Variants in CACNA2D4 observed in about 807,000 individuals in gnomAD.
The protein encoded by CACNA2D4 is calcium voltage-gated channel auxiliary subunit alpha2delta 4, also known as voltage-dependent calcium channel subunit alpha-2/delta-4.
In CACNA2D4, 157 loss-of-function variants were observed where a neutral mutation model predicts 163.8. That is an observed-to-expected ratio of 0.96 (90% CI 0.84 to 1.09). The LOEUF is 1.09. Among genes scored for constraint, CACNA2D4 ranks in the 50% least tolerant of loss-of-function variants. CACNA2D4 has a pLI of 0.00. For missense variants in CACNA2D4, 1,410 were observed against 1,479.9 expected, an observed-to-expected ratio of 0.95 and a Z score of 0.78; for synonymous variants, 598 against 586.9, an observed-to-expected ratio of 1.02 and a Z score of -0.27.
At chr12:1,822,871 G>A (rs984571092) in intron 26 of CACNA2D4, among the ~76,000 whole-genome samples, 2 of 152,152 alleles carry the variant, frequency 1.3e-5, no homozygotes, top group Non-Finnish European at 2.9e-5. Flanking sequence ...ATGGAATCTC[G>A]GGCCGTCTTT....
intron 23 of CACNA2D4, among the ~76,000 whole-genome samples, chr12:1,850,881 CAAAAAA>C (rs3078857): frequency 1.5e-5 from 2 of 130,858 alleles, no homozygotes. Context: ...GACTCCGTCT[CAAAAAA>C]AAAAAAAAAA....
Position 1,813,444 on chromosome 12 carries a change from C to T in CACNA2D4, c.2552-1721G>A, listed in dbSNP as rs182626488. On this transcript the variant is annotated intron_variant, in intron 26 of 37. Transcript: ENST00000382722. ...TGGCCTACATCTGTGCTGTCCTAAA[C>T]GGTAGCCAACAGCCACACGTGGCTA... Among the ~76,000 whole-genome samples the T allele has an allele frequency of 2.2e-4, 33 of 152,350 alleles. No individual in the cohort carries two copies. The South Asian group carries it at 2.5e-3, about 11-fold the overall frequency.
chr12:1,797,507 C>G lies in CACNA2D4; in HGVS notation c.3024G>C (p.Leu1008=). 6.3e-7 allele frequency: 1 copy of G among 1,579,398 alleles called. No homozygotes were observed. Among genetic ancestry groups the G allele is most frequent in the Non-Finnish European group, 8.6e-7 (1 of 1,164,214 alleles). ...HSHKHKKQDP[L]QPCDTEYPVF... ...CGGGGTACTCCGTGTCGCAGGGCTGCAGCGGGTCCTGCTTCTTGTGTTTGT... is the reference window on the plus strand; with the variant it reads ...CGGGGTACTCCGTGTCGCAGGGCTGGAGCGGGTCCTGCTTCTTGTGTTTGT... The change falls in exon 35 of 38, where the codon CTG becomes CTC. Residue 1008 remains leucine, a synonymous_variant. Coordinates refer to ENST00000382722, the MANE Select transcript of CACNA2D4 (RefSeq NM_172364.5).
chr12:1,873,344 A>G (rs16928859), intron 18 of CACNA2D4, among the ~76,000 whole-genome samples: 1,710 of 152,294 alleles, frequency 0.011, 29 homozygotes, highest in African/African-American at 0.039. Context: ...ATTAGTAGCA[A>G]TGAACAAACT....
chr12:1,853,991 TG>T lies in CACNA2D4; in HGVS notation c.2205del (p.Met736TrpfsTer32). 1 of 1,613,012 alleles carries T rather than the reference TG, an allele frequency of 6.2e-7. No homozygotes were observed. Among genetic ancestry groups the T allele is most frequent in the Non-Finnish European group, 8.5e-7 (1 of 1,179,430 alleles). On this transcript the variant is annotated frameshift_variant, in exon 23 of 38. Coordinates refer to ENST00000382722, the MANE Select transcript of CACNA2D4 (RefSeq NM_172364.5). LOFTEE classifies it high-confidence loss of function. ...EVLFDAVVTA[P>X]MEAYWTALAL... ...GCCAGCGCTGTCCAGTAGGCTTCCA[TG>T]GGGGCTGTCACCACCGCGTCAAACA... is the stretch of plus-strand genomic sequence containing the variant.
intron 6 of CACNA2D4, among the ~76,000 whole-genome samples, chr12:1,899,405 A>G (rs1592743830): frequency 6.6e-6 from 1 of 152,256 alleles, no homozygotes; most frequent in East Asian, 1.9e-4. Flanking sequence ...AACAAAATAA[A>G]GAAATCTATA....
intron 23 of CACNA2D4, among the ~76,000 whole-genome samples, chr12:1,851,680 T>TGTGTGTGGG (rs55736421): frequency 3.7e-5 from 1 of 26,762 alleles, no homozygotes; most frequent in Non-Finnish European, 6.9e-5. Context: ...TGTGTGTGCG[T>TGTGTGTGGG]TTTTTTTTTT....
At position 1,906,184 on chromosome 12, in the gene CACNA2D4, C is replaced by T. The variant is rs143723348; in HGVS notation, c.781+1256G>A. ...ACCATATACAAAAATTAACTAAAAA[C>T]GGAAATGTAAGACCTAAAACTATAA... On this transcript the variant is annotated intron_variant, in intron 6 of 37. Coordinates refer to ENST00000382722, the MANE Select transcript of CACNA2D4 (RefSeq NM_172364.5). Among the ~76,000 whole-genome samples, 560 of 152,166 alleles carry T rather than the reference C, an allele frequency of 3.7e-3. 1 individual carries two copies. The highest frequency in any genetic ancestry group is 6.4e-3 in the Non-Finnish European group (438 of 68,002).
intron 6 of CACNA2D4, among the ~76,000 whole-genome samples, chr12:1,898,642 T>G (rs1405058662): frequency 6.6e-6 from 1 of 152,068 alleles, no homozygotes; most frequent in African/African-American, 2.4e-5. Flanking sequence ...GGAACCCTTG[T>G]GATAGAGGCT....
chr12:1,909,385 G>C (rs1159066909), intron 4 of CACNA2D4, among the ~76,000 whole-genome samples: 1 of 152,112 alleles, frequency 6.6e-6, no homozygotes, highest in Non-Finnish European at 1.5e-5. Context: ...TAGTAGAGAC[G>C]GGGTTTCACC....
chr12:1,793,733 G>C lies in CACNA2D4; in HGVS notation c.3336C>G (p.Ala1112=). ...GGGGCGGCGAGGCTGAGGTGTCCGA[G>C]GCGCCGCCGCAGTCCTGGGCATTCT... ...PEENAQDCGG[A]SDTSASPPLL... Residue 1112 remains alanine (A), a synonymous_variant, in exon 38 of 38, where the codon GCC becomes GCG. Transcript: ENST00000382722. 1 of 1,613,296 alleles carries C rather than the reference G, an allele frequency of 6.2e-7. No homozygotes were observed. Among genetic ancestry groups the C allele is most frequent in the South Asian group, 1.1e-5 (1 of 91,074 alleles).
rs1199642450 is a variant in CACNA2D4, at chr12:1,843,065, T to G, written c.2470+1337A>C. 6.6e-6 allele frequency among the ~76,000 whole-genome samples: 1 copy of G among 152,208 alleles called. No individual in the cohort carries two copies. The highest frequency in any genetic ancestry group is 6.5e-5 in the Admixed American group (1 of 15,286). ...TCTCCTTGTGTAAGTTGAGGGATAA[T>G]GACGGCACTTATCTCATGGGGTTGT... On this transcript the variant is annotated intron_variant, in intron 25 of 37. Coordinates refer to ENST00000382722, the MANE Select transcript of CACNA2D4 (RefSeq NM_172364.5). This position sits in a 1 kb window ranked among gnomAD's most constrained non-coding sequence, Gnocchi z 4.6.
chr12:1,795,453 A>G (rs754016856), intron 36 of CACNA2D4, 72 bp from the exon 37 acceptor site: 14 of 1,423,914 alleles, frequency 9.8e-6, no homozygotes, highest in Non-Finnish European at 1.4e-5. Flanking sequence ...AAGGTCTGGA[A>G]GAACCTGCTC....
intron 13 of CACNA2D4, 109 bp from the exon 14 acceptor site, chr12:1,879,990 A>G (rs1865960896): frequency 1.6e-6 from 1 of 642,598 alleles, no homozygotes; most frequent in East Asian, 2.9e-5. Context: ...TCAATTATCC[A>G]GCGTCACCTT....
intron 24 of CACNA2D4, among the ~76,000 whole-genome samples, 163 bp downstream of exon 24, chr12:1,846,431 C>A (rs1253243041): frequency 6.6e-6 from 1 of 152,066 alleles, no homozygotes; most frequent in African/African-American, 2.4e-5. Context: ...TTTCCCACTG[C>A]CCCAATCTGT....
At chr12:1,907,711 C>G in intron 5 of CACNA2D4, 140 bp from the exon 6 acceptor site, 1 of 1,186,900 alleles carries the variant, frequency 8.4e-7, no homozygotes, top group South Asian at 1.4e-5. Flanking sequence ...GTGGGCGTGT[C>G]TGGTGGACGG....
chr12:1,823,452 G>T lies in CACNA2D4; in HGVS notation c.2552-11729C>A, dbSNP rs538204229. The stretch of plus-strand genomic sequence containing the variant: ...CCGTGCTCTGAGGGGGCCGAGTGGG[G>T]TGCTAGCAGGGAGGCAGCTCCCACT... On this transcript the variant is annotated intron_variant, in intron 26 of 37. Transcript: ENST00000382722. Among the ~76,000 whole-genome samples the T allele has an allele frequency of 7.9e-5, 12 of 152,244 alleles. No homozygotes were observed. The South Asian group carries it at 2.5e-3, about 32-fold the overall frequency.
chr12:1,835,610 C>T (rs1864825255), intron 26 of CACNA2D4: 1 of 152,668 alleles, frequency 6.6e-6, no homozygotes, highest in Non-Finnish European at 1.5e-5. Context: ...CCTTTGAGAT[C>T]CTCTAAAGTG....
At chr12:1,868,230 TAAAG>T (rs1179880845) in intron 18 of CACNA2D4, among the ~76,000 whole-genome samples, 3 of 152,124 alleles carry the variant, frequency 2.0e-5, no homozygotes, top group Middle Eastern at 3.2e-3. Context: ...GATGGATGCA[TAAAG>T]AAATTGTAGT....
Sources: allele counts gnomAD v4.1 joint callset (sites outside exome capture counted in the v4.1 genomes callset), GRCh38; gene constraint gnomAD v4.1.1; non-coding constraint Gnocchi (gnomAD v3.1); transcripts MANE v1.5; gene names NCBI Gene and HGNC (gene_info 2026-07-23, HGNC 2026-07-21).